RTL4: variants seen among roughly 807,000 people sequenced by gnomAD.
The protein encoded by RTL4 is retrotransposon Gag-like protein 4.
A neutral mutation model predicts 5.3 loss-of-function variants in RTL4; 4 were observed. The ratio of observed to expected loss-of-function variants is 0.75; its 90% CI spans 0.37 to 1.72. The LOEUF is 1.72. RTL4 is among the 40% of genes most tolerant of loss of function. The probability of loss-of-function intolerance (pLI) is 0.04; values close to 1 mark genes in which losing one functional copy is unlikely to be tolerated. For missense variants in RTL4, 260 were observed against 227.1 expected (o/e 1.14, Z -0.93); for synonymous variants, 98 against 87.3 (o/e 1.12, Z -0.68).
At chrX:112,321,866 A>AT in the RTL4 span, among the ~76,000 whole-genome samples, 1 of 111,554 alleles carries the variant, frequency 9.0e-6, no homozygotes, top group Non-Finnish European at 1.9e-5. Flanking sequence ...GTTTCAATGG[A>AT]TTGAACAAGT....
chrX:112,175,247 A>C, the RTL4 span, among the ~76,000 whole-genome samples: 592 of 92,138 alleles, frequency 6.4e-3, 8 homozygotes, highest in Non-Finnish European at 9.3e-3. Context: ...GTCTTGAATT[A>C]ATTTTTGTAT....
the RTL4 span, among the ~76,000 whole-genome samples, chrX:112,292,865 T>C: frequency 1.8e-5 from 2 of 111,782 alleles, no homozygotes; most frequent in African/African-American, 6.5e-5. Context: ...TATATAATTT[T>C]TGAGAAAGAT....
At chrX:112,331,235 A>T in the RTL4 span, among the ~76,000 whole-genome samples, 1 of 107,548 alleles carries the variant, frequency 9.3e-6, no homozygotes, top group Non-Finnish European at 1.9e-5. Context: ...ACAAAATGGG[A>T]GAAAATTTTC....
the RTL4 span, among the ~76,000 whole-genome samples, chrX:112,112,944 G>C: frequency 9.0e-6 from 1 of 111,467 alleles, no homozygotes; most frequent in African/African-American, 3.3e-5. Flanking sequence ...CAGGGTATAG[G>C]GGTTGGGTAC....
At chrX:112,178,775 T>G in the RTL4 span, among the ~76,000 whole-genome samples, 2 of 110,984 alleles carry the variant, frequency 1.8e-5, no homozygotes, top group African/African-American at 6.6e-5. Flanking sequence ...CAGGGACACT[T>G]CCAAAGCAGA....
chrX:112,329,861 A>C, the RTL4 span, among the ~76,000 whole-genome samples: 1 of 111,834 alleles, frequency 8.9e-6, no homozygotes, highest in African/African-American at 3.3e-5. Flanking sequence ...CAACATACAC[A>C]AATCAATAAA....
the RTL4 span, among the ~76,000 whole-genome samples, chrX:112,317,272 C>T: frequency 1.8e-5 from 2 of 111,533 alleles, no homozygotes; most frequent in Admixed American, 9.5e-5. Context: ...ACCTGGGAGG[C>T]GGAAGCTGCA....
chrX:112,362,738 G>A, the RTL4 span, among the ~76,000 whole-genome samples: 4 of 110,823 alleles, frequency 3.6e-5, no homozygotes, highest in Non-Finnish European at 7.6e-5. Flanking sequence ...TACTATTACA[G>A]TCCCCTTCCC....
chrX:112,178,020 C>T, the RTL4 span, among the ~76,000 whole-genome samples: 3 of 108,997 alleles, frequency 2.8e-5, no homozygotes, highest in South Asian at 4.0e-4. Context: ...TGCAGTTTGT[C>T]AACCCCCAGT....
At chrX:112,166,955 T>C in the RTL4 span, among the ~76,000 whole-genome samples, 2 of 112,072 alleles carry the variant, frequency 1.8e-5, no homozygotes, top group African/African-American at 6.5e-5. Flanking sequence ...GCTGCCTATC[T>C]TCTGCTGTGG....
At chrX:112,243,837 G>C in the RTL4 span, among the ~76,000 whole-genome samples, 1 of 111,737 alleles carries the variant, frequency 8.9e-6, no homozygotes, top group Non-Finnish European at 1.9e-5. Context: ...GGCATTTAGT[G>C]CTATAAATTC....
chrX:112,196,937 T>A, the RTL4 span, among the ~76,000 whole-genome samples: 3 of 110,332 alleles, frequency 2.7e-5, no homozygotes, highest in East Asian at 8.7e-4. Context: ...GTCTTTTTGA[T>A]AATGGCCATG....
chrX:112,275,426 C>G, the RTL4 span, among the ~76,000 whole-genome samples: 3 of 111,498 alleles, frequency 2.7e-5, no homozygotes, highest in Non-Finnish European at 5.6e-5. Flanking sequence ...TTACCATCAT[C>G]TTCTCCGATA....
At chrX:112,453,373 G>C (rs1307655477), upstream of RTL4, among the ~76,000 whole-genome samples, 1 of 111,912 alleles carries the variant, frequency 8.9e-6, no homozygotes, top group Non-Finnish European at 1.9e-5. Flanking sequence ...CATATGTTTG[G>C]GGTTGTTTTT....
chrX:112,250,124 A>G, the RTL4 span, among the ~76,000 whole-genome samples: 1 of 109,863 alleles, frequency 9.1e-6, no homozygotes, highest in East Asian at 2.9e-4. Context: ...AAAAAAATAC[A>G]AAAAATTAGC....
the RTL4 span, among the ~76,000 whole-genome samples, chrX:112,291,682 T>C: frequency 0.021 from 2,284 of 110,136 alleles, 66 homozygotes; most frequent in African/African-American, 0.069. Context: ...TTGCAAGCTC[T>C]GCCTCCCCGG....
chrX:112,249,773 GTAATTATATATATAT>G, the RTL4 span, among the ~76,000 whole-genome samples: 2 of 94,530 alleles, frequency 2.1e-5, no homozygotes, highest in African/African-American at 8.5e-5. Flanking sequence ...ATATATATAT[GTAATTATATATATAT>G]ATATAGAGAG....
the RTL4 span, among the ~76,000 whole-genome samples, chrX:112,432,557 T>G: frequency 8.2e-4 from 81 of 98,499 alleles, 3 homozygotes; most frequent in South Asian, 0.04. Flanking sequence ...TCATGTCCTT[T>G]GCCCACTTTT....
the RTL4 span, among the ~76,000 whole-genome samples, chrX:112,154,314 G>T: frequency 9.0e-6 from 1 of 110,884 alleles, no homozygotes; most frequent in African/African-American, 3.3e-5. Context: ...AAATTTTTTT[G>T]TCTAATAAAG....
Sources: allele counts gnomAD v4.1 joint callset (sites outside exome capture counted in the v4.1 genomes callset), GRCh38; gene constraint gnomAD v4.1.1; transcripts MANE v1.5; gene names NCBI Gene and HGNC (gene_info 2026-07-23, HGNC 2026-07-21).